CACNA2D3: variants seen among roughly 807,000 people sequenced by gnomAD.
CACNA2D3 encodes the protein calcium voltage-gated channel auxiliary subunit alpha2delta 3.
CACNA2D3 carries 60 observed loss-of-function variants against 160.6 expected under a neutral mutation model. The ratio of observed to expected loss-of-function variants is 0.37; its 90% confidence interval spans 0.30 to 0.46. CACNA2D3 has a LOEUF of 0.46. Ranked by LOEUF, CACNA2D3 falls within the 20% of genes least tolerant of loss-of-function variation. CACNA2D3 has a pLI of 1.00. For missense variants in CACNA2D3, 1,205 were observed against 1,365.0 expected (o/e 0.88, Z 1.85); for synonymous variants, 558 against 492.9 (o/e 1.13, Z -1.75).
At chr3:54,183,137 G>A (rs1245964508) in intron 2 of CACNA2D3, among the ~76,000 whole-genome samples, 1 of 151,562 alleles carries the variant, frequency 6.6e-6, no homozygotes, top group African/African-American at 2.4e-5. Context: ...CAACAAAATT[G>A]GAATAAAAAC....
chr3:54,750,344 C>A (rs1292726143), intron 11 of CACNA2D3, among the ~76,000 whole-genome samples: 1 of 152,152 alleles, frequency 6.6e-6, no homozygotes, highest in African/African-American at 2.4e-5. Flanking sequence ...GCCAAGGAGC[C>A]AGTGGGGATA....
chr3:54,851,604 C>T (rs966453778), intron 17 of CACNA2D3, among the ~76,000 whole-genome samples: 30 of 152,084 alleles, frequency 2.0e-4, no homozygotes, highest in African/African-American at 6.3e-4. Flanking sequence ...GGACCAGTAC[C>T]GAGGTAATCA....
At chr3:54,360,945 G>A (rs188197656) in intron 3 of CACNA2D3, among the ~76,000 whole-genome samples, 38 of 151,718 alleles carry the variant, frequency 2.5e-4, no homozygotes, top group African/African-American at 9.2e-4. Flanking sequence ...AAAATGTAGC[G>A]TTTCAATGGT....
intron 2 of CACNA2D3, among the ~76,000 whole-genome samples, chr3:54,234,573 G>T (rs915883866): frequency 6.6e-6 from 1 of 152,134 alleles, no homozygotes; most frequent in Non-Finnish European, 1.5e-5. Flanking sequence ...GTTCATTACA[G>T]CACTATTCAC....
intron 11 of CACNA2D3, among the ~76,000 whole-genome samples, chr3:54,688,545 A>C (rs956032534): frequency 2.3e-4 from 35 of 151,772 alleles, no homozygotes; most frequent in African/African-American, 8.5e-4. Context: ...GGCCGAGTAT[A>C]CTTTACTTCT....
chr3:54,482,156 G>A (rs1377647155), intron 4 of CACNA2D3, among the ~76,000 whole-genome samples: 1 of 152,180 alleles, frequency 6.6e-6, no homozygotes, highest in South Asian at 2.1e-4. Flanking sequence ...TGTCATAACC[G>A]AAACTGATAC....
intron 8 of CACNA2D3, among the ~76,000 whole-genome samples, chr3:54,571,482 C>T (rs1165677026): frequency 6.6e-6 from 1 of 151,958 alleles, no homozygotes; most frequent in South Asian, 2.1e-4. Flanking sequence ...TTTACAATCT[C>T]CAGTTCTTTT....
intron 22 of CACNA2D3, 78 bp downstream of exon 22, chr3:54,885,404 G>A (rs1439939345): frequency 6.2e-7 from 1 of 1,602,622 alleles, no homozygotes; most frequent in Non-Finnish European, 8.5e-7. Flanking sequence ...GTGCTCCCTT[G>A]CCCAGTTTTC....
chr3:54,225,961 G>C (rs774691763), intron 2 of CACNA2D3, among the ~76,000 whole-genome samples: 6 of 152,062 alleles, frequency 3.9e-5, no homozygotes, highest in Non-Finnish European at 5.9e-5. Context: ...ACCGGATTGG[G>C]GACTGAACTG....
chr3:55,049,745 T>C (rs1248616497), intron 35 of CACNA2D3, among the ~76,000 whole-genome samples: 3 of 149,458 alleles, frequency 2.0e-5, no homozygotes, highest in Non-Finnish European at 3.0e-5. Flanking sequence ...TCTAAGTCTC[T>C]TTGTAGGTCA....
chr3:54,709,384 G>C (rs879528797), intron 11 of CACNA2D3, among the ~76,000 whole-genome samples: 6 of 150,572 alleles, frequency 4.0e-5, no homozygotes, highest in African/African-American at 1.2e-4. Flanking sequence ...TTCTTAAAGA[G>C]AGGGTCTCCC....
At chr3:54,539,797 T>G (rs546350988) in intron 5 of CACNA2D3, among the ~76,000 whole-genome samples, 10 of 152,318 alleles carry the variant, frequency 6.6e-5, no homozygotes, top group Non-Finnish European at 1.0e-4. Context: ...AAGAAATGTG[T>G]TTAACTGGGA....
intron 1 of CACNA2D3, 53 bp downstream of exon 1, chr3:54,122,888 C>T: frequency 8.3e-7 from 1 of 1,203,294 alleles, no homozygotes; most frequent in Non-Finnish European, 1.0e-6. Context: ...GCCTGCGACC[C>T]ACTGTGCCCA....
intron 2 of CACNA2D3, among the ~76,000 whole-genome samples, chr3:54,309,953 C>A (rs4928038): frequency 0.02 from 2,974 of 151,844 alleles, 45 homozygotes; most frequent in Admixed American, 0.054. Flanking sequence ...AGTGCCATGT[C>A]CTCTTCTCTC....
chr3:54,451,229 C>CTTTATTT (rs1700301967), intron 4 of CACNA2D3, among the ~76,000 whole-genome samples: 1 of 51,732 alleles, frequency 1.9e-5, no homozygotes, highest in African/African-American at 8.6e-5. Flanking sequence ...ATATAATAAT[C>CTTTATTT]TTTTTTTTTT....
At chr3:54,769,447 T>G (rs953906570) in intron 13 of CACNA2D3, among the ~76,000 whole-genome samples, 5 of 152,190 alleles carry the variant, frequency 3.3e-5, no homozygotes, top group Admixed American at 6.5e-5. Context: ...CTTAGTTTAT[T>G]CACTAAGGGC....
chr3:54,816,902 C>A, intron 14 of CACNA2D3, 32 bp downstream of exon 14: 1 of 1,612,716 alleles, frequency 6.2e-7, no homozygotes, highest in Non-Finnish European at 8.5e-7. Context: ...TCCAGTCACC[C>A]CCAGAACTCA....
chr3:55,000,789 T>C (rs1702964476), intron 31 of CACNA2D3, among the ~76,000 whole-genome samples: 1 of 152,018 alleles, frequency 6.6e-6, no homozygotes, highest in African/African-American at 2.4e-5. Flanking sequence ...TCAGCTTGGG[T>C]TGAAAGTTGA....
At chr3:54,148,275 A>C (rs1223136565) in intron 2 of CACNA2D3, among the ~76,000 whole-genome samples, 1 of 152,216 alleles carries the variant, frequency 6.6e-6, no homozygotes, top group Non-Finnish European at 1.5e-5. Flanking sequence ...CACAATGTGG[A>C]GGGACAGGTA....
Sources: allele counts gnomAD v4.1 joint callset (sites outside exome capture counted in the v4.1 genomes callset), GRCh38; gene constraint gnomAD v4.1.1; transcripts MANE v1.5; gene names NCBI Gene and HGNC (gene_info 2026-07-23, HGNC 2026-07-21).